The following TOP2B variants were observed in gnomAD, a reference collection of about 807,000 sequenced individuals.
The protein encoded by TOP2B is DNA topoisomerase II beta.
In TOP2B, 51 loss-of-function variants were observed where a neutral mutation model predicts 193.5. The observed-to-expected ratio is 0.26, with a 90% CI of 0.21 to 0.33. The LOEUF is 0.33. Among genes scored for constraint, TOP2B ranks in the 10% least tolerant of loss-of-function variants. The pLI is 1.00. For synonymous variants in TOP2B, 634 were observed against 635.7 expected, an observed-to-expected ratio of 1.00 and a Z score of 0.04; for missense variants, 1,378 against 1,909.3, an observed-to-expected ratio of 0.72 and a Z score of 5.19.
intron 2 of TOP2B, among the ~76,000 whole-genome samples, chr3:25,644,818 G>A (rs1411656491): frequency 6.6e-6 from 1 of 151,624 alleles, no homozygotes; most frequent in Non-Finnish European, 1.5e-5. Flanking sequence ...GTTTTGAGAT[G>A]GAGTCTCGCC....
chr3:25,607,153 C>T lies in TOP2B; in HGVS notation c.4298+18G>A, dbSNP rs371484894. 19 of 1,611,704 alleles carry T rather than the reference C, an allele frequency of 1.2e-5. No homozygotes were observed. Among genetic ancestry groups the T allele is most frequent in the Non-Finnish European group, 1.6e-5 (19 of 1,178,992 alleles). On this transcript the variant is annotated intron_variant, in intron 31 of 35. Coordinates refer to ENST00000264331, the MANE Select transcript of TOP2B (RefSeq NM_001330700.2). ...TACAACAATTAACTATACCACATCA[C>T]TAAATAGCATTACTTACTCTGGAGT...
Position 25,618,836 on chromosome 3 carries a change from T to C in TOP2B, c.3077A>G (p.His1026Arg). ...LTCNSMVLFD[H>R]MGCLKKYETV... Reference sequence around the variant, plus strand: ...TTCATATTTCTTCAGACATCCCATATGATCAAAAAGTACCTAAGCAAAACA... The same window carrying C: ...TTCATATTTCTTCAGACATCCCATACGATCAAAAAGTACCTAAGCAAAACA... The change falls in exon 24 of 36, where the codon CAT becomes CGT. Residue 1026 changes from histidine (H) to arginine (R), a missense_variant. His to Arg is a conservative substitution (Grantham distance 29). This residue lies in a region of TOP2B where 379 missense variants were observed against 615.1 expected (regional missense o/e 0.62). Coordinates refer to ENST00000264331, the MANE Select transcript of TOP2B (RefSeq NM_001330700.2). 1.9e-6 allele frequency: 3 copies of C among 1,603,242 alleles called. No individual in the cohort carries two copies. Among genetic ancestry groups the C allele is most frequent in the Non-Finnish European group, 2.6e-6 (3 of 1,174,044 alleles).
Position 25,635,958 on chromosome 3 carries a change from A to G in TOP2B, c.830T>C (p.Met277Thr). 1.9e-6 allele frequency: 3 copies of G among 1,613,080 alleles called. No homozygotes were observed. Among genetic ancestry groups the G allele is most frequent in the South Asian group, 1.1e-5 (1 of 91,012 alleles). ...LAGSCRGVKV[M>T]FNGKKLPVNG... ...TACAGGCAATTTCTTTCCATTAAAC[A>G]TGACCTTGACCCCTCTACACGAACC... Residue 277 changes from methionine (M) to threonine (T), a missense_variant, in exon 7 of 36, where the codon ATG (methionine) becomes ACG (threonine). This residue lies in a region of TOP2B where 222 missense variants were observed against 306.6 expected (regional missense o/e 0.72). Transcript: ENST00000264331.
chr3:25,663,388 A>G (rs1256595964), intron 1 of TOP2B, among the ~76,000 whole-genome samples: 1 of 152,192 alleles, frequency 6.6e-6, no homozygotes, highest in African/African-American at 2.4e-5. Flanking sequence ...CTGTATAGGA[A>G]ATGACCCTGG....
chr3:25,607,101 C>T, intron 31 of TOP2B, 70 bp downstream of exon 31: 2 of 1,546,946 alleles, frequency 1.3e-6, no homozygotes, highest in Non-Finnish European at 8.7e-7. Flanking sequence ...CTTAGAAGAG[C>T]TCACTATAAT....
rs1423636978 is a variant in TOP2B, at chr3:25,623,771, T to A, written c.2496-25A>T. The A allele has an allele frequency of 7.4e-6, 11 of 1,477,574 alleles. No homozygotes were observed. The Admixed American group carries it at 9.7e-5, about 13-fold the overall frequency. The allele number at this position is 1,477,574 out of a possible 1,614,324, so 91.5% of individuals were successfully genotyped here. On this transcript the variant is annotated intron_variant, in intron 20 of 35. Coordinates refer to ENST00000264331, the MANE Select transcript of TOP2B (RefSeq NM_001330700.2). The stretch of plus-strand genomic sequence containing the variant: ...GCTAATGAAAACAAAAAGAAGCAAA[T>A]GAAAAAATGTCATGGCTTTGGGAAA...
chr3:25,609,500 G>A, intron 29 of TOP2B, 68 bp downstream of exon 29: 1 of 1,526,812 alleles, frequency 6.5e-7, no homozygotes, highest in Non-Finnish European at 8.8e-7. Flanking sequence ...ACAATCAAAA[G>A]AATCTAGTAA....
intron 1 of TOP2B, among the ~76,000 whole-genome samples, chr3:25,652,582 TGA>T (rs1324524490): frequency 1.3e-5 from 2 of 152,132 alleles, no homozygotes; most frequent in African/African-American, 4.8e-5. Flanking sequence ...AACCAATGGG[TGA>T]GAGATGAAAT....
At chr3:25,609,959 T>TA (rs1467362533) in intron 28 of TOP2B, among the ~76,000 whole-genome samples, 3 of 152,154 alleles carry the variant, frequency 2.0e-5, no homozygotes, top group Admixed American at 2.0e-4. Flanking sequence ...GAAGCAACCA[T>TA]AAAAAATAAG....
chr3:25,609,654 G>C lies in TOP2B; in HGVS notation c.3845C>G (p.Pro1282Arg). 6.4e-7 allele frequency: 1 copy of C among 1,554,832 alleles called. No homozygotes were observed. The highest frequency in any genetic ancestry group is 8.7e-7 in the Non-Finnish European group (1 of 1,154,552). ...VEFDEEFSGA[P>R]VEGAGEEALT... ...TGCCTCTTCTCCTGCACCTTCTACT[G>C]GTGCTCCACTGAATTCTTCATCAAA... The change falls in exon 29 of 36, where the codon CCA (proline) becomes CGA (arginine). Residue 1282 changes from proline (P) to arginine (R), a missense_variant. By Grantham distance (103) the Pro-to-Arg change is moderately radical. Around this residue, in one of 9 missense-constraint regions of TOP2B, gnomAD observed 556 missense variants for 584.2 expected, o/e 0.95. Coordinates refer to ENST00000264331, the MANE Select transcript of TOP2B (RefSeq NM_001330700.2).
At chr3:25,598,889 T>A (rs1420473002) in intron 35 of TOP2B, among the ~76,000 whole-genome samples, 1 of 152,062 alleles carries the variant, frequency 6.6e-6, no homozygotes, top group African/African-American at 2.4e-5. Context: ...TTTAAAAAAA[T>A]GCAAAGCATC....
At chr3:25,628,778 C>T (rs1702877364) in intron 15 of TOP2B, 69 bp downstream of exon 15, 1 of 971,582 alleles carries the variant, frequency 1.0e-6, no homozygotes, top group Non-Finnish European at 1.5e-6. Context: ...TTCAAGTCAT[C>T]TTTTAGATTG....
At chr3:25,599,584 T>C (rs1341865142) in intron 34 of TOP2B, 55 bp from the exon 35 acceptor site, 1 of 1,492,694 alleles carries the variant, frequency 6.7e-7, no homozygotes, top group Non-Finnish European at 9.2e-7. Flanking sequence ...TATAAAAAGA[T>C]AAATGCCACA....
chr3:25,626,632 CATT>C lies in TOP2B; in HGVS notation c.2149_2151del (p.Asn717del). ...AGAATCAATTCCTTGTTGATGAAAT[CATT>C]ATAAGTCAAATGCTTTGTTGCAGTA... On this transcript the variant is annotated inframe_deletion, in exon 18 of 36. Coordinates refer to ENST00000264331, the MANE Select transcript of TOP2B (RefSeq NM_001330700.2). 1 of 1,537,460 alleles carries C rather than the reference CATT, an allele frequency of 6.5e-7. No homozygotes were observed. Among genetic ancestry groups the C allele is most frequent in the Non-Finnish European group, 8.7e-7 (1 of 1,144,482 alleles).
At chr3:25,614,497 A>C (rs1490847164) in intron 27 of TOP2B, among the ~76,000 whole-genome samples, 1 of 152,110 alleles carries the variant, frequency 6.6e-6, no homozygotes. Flanking sequence ...GAAAAATAGC[A>C]CTAAAAAATT....
At chr3:25,606,223 G>A in intron 31 of TOP2B, 101 bp from the exon 32 acceptor site, 1 of 565,120 alleles carries the variant, frequency 1.8e-6, no homozygotes, top group East Asian at 3.2e-5. Context: ...TATAATCACA[G>A]AACAAAACTT....
rs1426524992 is a variant in TOP2B at position 25,618,742 on chromosome 3, C to A, written c.3171G>T (p.Trp1057Cys). The A allele has an allele frequency of 6.2e-7, 1 of 1,613,548 alleles. No homozygotes were observed. The highest frequency in any genetic ancestry group is 8.5e-7 in the Non-Finnish European group (1 of 1,179,688). The change falls in exon 24 of 36, where the codon TGG (tryptophan) becomes TGT (cysteine). Residue 1057 changes from tryptophan (W) to cysteine (C), a missense_variant. Physicochemically the swap from Trp to Cys is radical, Grantham distance 215 (BLOSUM62 -2). Around this residue, in one of 9 missense-constraint regions of TOP2B, gnomAD observed 379 missense variants for 615.1 expected, o/e 0.62. Transcript: ENST00000264331. Reference sequence around the variant, plus strand: ...ATTCTGCTCCCAACATTCCCACAAGCCACTCCTTACGTAAACCGTAATAAC... The same window carrying A: ...ATTCTGCTCCCAACATTCCCACAAGACACTCCTTACGTAAACCGTAATAAC... The part of the protein sequence containing the change: ...RLSYYGLRKE[W>C]LVGMLGAEST...
chr3:25,631,893 C>A (rs1702969880), intron 10 of TOP2B, among the ~76,000 whole-genome samples: 1 of 151,908 alleles, frequency 6.6e-6, no homozygotes, highest in Admixed American at 6.6e-5. Flanking sequence ...AGTTCTAGGG[C>A]AGTTATAGAG....
chr3:25,609,489 C>T, intron 29 of TOP2B, 79 bp downstream of exon 29: 1 of 1,509,038 alleles, frequency 6.6e-7, no homozygotes, highest in Non-Finnish European at 8.9e-7. Context: ...AGAAAAAGAG[C>T]ACAATCAAAA....
Sources: gnomAD v4.1 joint callset for allele counts (sites outside exome capture counted in the v4.1 genomes callset) on GRCh38, gnomAD v4.1.1 for gene constraint, gnomAD v4.1.1 regional missense constraint, MANE v1.5 for transcripts, NCBI Gene and HGNC (gene_info 2026-07-23, HGNC 2026-07-21) for gene names.